CCDC148: variants seen among roughly 807,000 people sequenced by gnomAD.
CCDC148 encodes the protein coiled-coil domain-containing protein 148.
Under a neutral mutation model 85.7 loss-of-function variants are expected in CCDC148, and 89 were observed. That is an observed-to-expected ratio of 1.04 (90% confidence interval 0.87 to 1.24). The LOEUF (loss-of-function observed/expected upper bound fraction) is 1.24. CCDC148 is among the 50% of genes most tolerant of loss of function. The pLI is 0.00. For synonymous variants in CCDC148, 230 were observed against 213.9 expected, an observed-to-expected ratio of 1.08 and a Z score of -0.66; for missense variants, 692 against 671.7, an observed-to-expected ratio of 1.03 and a Z score of -0.33.
chr2:158,419,687 T>C (rs186528178), intron 1 of CCDC148, among the ~76,000 whole-genome samples: 18 of 152,290 alleles, frequency 1.2e-4, no homozygotes, highest in Admixed American at 5.2e-4. Flanking sequence ...GAAAAATACA[T>C]TGACTACTTA....
intron 10 of CCDC148, among the ~76,000 whole-genome samples, chr2:158,225,895 A>T (rs1225569330): frequency 6.6e-6 from 1 of 152,192 alleles, no homozygotes; most frequent in Non-Finnish European, 1.5e-5. Context: ...AATTAAAAGA[A>T]CTAGAGAAGC....
At chr2:158,267,649 C>T (rs891166449) in intron 9 of CCDC148, among the ~76,000 whole-genome samples, 3 of 152,068 alleles carry the variant, frequency 2.0e-5, no homozygotes, top group Admixed American at 2.0e-4. Context: ...TAGAGATTGT[C>T]ATTGATCTCT....
At chr2:158,375,416 C>T (rs1012180311) in intron 1 of CCDC148, among the ~76,000 whole-genome samples, 2 of 152,058 alleles carry the variant, frequency 1.3e-5, no homozygotes, top group African/African-American at 4.8e-5. Flanking sequence ...CATTGTCTTT[C>T]TCTTGATTAC....
At chr2:158,202,225 C>T (rs1324539326) in intron 11 of CCDC148, among the ~76,000 whole-genome samples, 1 of 152,030 alleles carries the variant, frequency 6.6e-6, no homozygotes, top group Admixed American at 6.6e-5. Flanking sequence ...AATCACTTTC[C>T]CACTTTGGGC....
intron 7 of CCDC148, among the ~76,000 whole-genome samples, chr2:158,337,342 T>A (rs1248987236): frequency 1.3e-5 from 2 of 152,162 alleles, no homozygotes; most frequent in African/African-American, 4.8e-5. Flanking sequence ...CTACAGTTTA[T>A]CAGGCTGATT....
At chr2:158,219,723 C>T (rs1243301834) in intron 11 of CCDC148, among the ~76,000 whole-genome samples, 1 of 152,192 alleles carries the variant, frequency 6.6e-6, no homozygotes, top group African/African-American at 2.4e-5. Context: ...CCCTGTTTGC[C>T]TAGTGACTAT....
chr2:158,452,235 G>C (rs1688434026), intron 1 of CCDC148, among the ~76,000 whole-genome samples: 1 of 152,130 alleles, frequency 6.6e-6, no homozygotes, highest in Non-Finnish European at 1.5e-5. Context: ...CTACACAAAG[G>C]AAAGGGGGTA....
chr2:158,338,250 A>G (rs1682488862), intron 7 of CCDC148, among the ~76,000 whole-genome samples: 1 of 152,206 alleles, frequency 6.6e-6, no homozygotes, highest in Non-Finnish European at 1.5e-5. Context: ...GGAGAAAACC[A>G]GAAGTCTATT....
chr2:158,193,485 T>C (rs1273445593), intron 11 of CCDC148, among the ~76,000 whole-genome samples: 1 of 152,074 alleles, frequency 6.6e-6, no homozygotes, highest in Non-Finnish European at 1.5e-5. Context: ...CACAGTATTT[T>C]TTTTTAAGCA....
intron 7 of CCDC148, among the ~76,000 whole-genome samples, chr2:158,332,048 TATG>T (rs1263933243): frequency 2.6e-5 from 4 of 152,152 alleles, no homozygotes; most frequent in African/African-American, 9.6e-5. Context: ...ATCCTGTCAT[TATG>T]ATGTTAGCTG....
intron 1 of CCDC148, among the ~76,000 whole-genome samples, chr2:158,369,298 T>A (rs1429115092): frequency 6.6e-6 from 1 of 152,126 alleles, no homozygotes; most frequent in East Asian, 1.9e-4. Context: ...ATTCCTCCTA[T>A]CCATGAGCAT....
At chr2:158,248,365 C>T (rs6437154) in intron 10 of CCDC148, among the ~76,000 whole-genome samples, 59 of 152,076 alleles carry the variant, frequency 3.9e-4, no homozygotes, top group African/African-American at 1.3e-3. Context: ...CATTTTAATG[C>T]TAGCCAATGT....
At chr2:158,437,930 C>T (rs1687740834) in intron 1 of CCDC148, among the ~76,000 whole-genome samples, 1 of 152,100 alleles carries the variant, frequency 6.6e-6, no homozygotes, top group Non-Finnish European at 1.5e-5. Context: ...ACGTGAAGGA[C>T]CTCTTCAAGG....
intron 1 of CCDC148, among the ~76,000 whole-genome samples, chr2:158,455,153 G>A (rs1404819697): frequency 1.3e-5 from 2 of 152,062 alleles, no homozygotes; most frequent in African/African-American, 4.8e-5. Context: ...ATAACAATTT[G>A]TGGTTTACTT....
chr2:158,443,034 TTTTGTTTG>T lies in CCDC148; in HGVS notation c.25+13373_25+13380del, dbSNP rs139862306. Among the ~76,000 whole-genome samples the T allele has an allele frequency of 2.4e-4, 36 of 151,936 alleles. No individual in the cohort carries two copies. In the East Asian group the frequency reaches 4.6e-3, roughly 20 times the overall value. ...GGCATAGAAGAAGATCAGTCATAGT[TTTTGTTTG>T]TTTGTTTGTTTGTTTGTTTTTTAAT... is the stretch of plus-strand genomic sequence containing the variant. On this transcript the variant is annotated intron_variant, in intron 1 of 13. Coordinates refer to ENST00000283233, the MANE Select transcript of CCDC148 (RefSeq NM_138803.4).
intron 1 of CCDC148, among the ~76,000 whole-genome samples, chr2:158,441,979 C>T (rs1687953179): frequency 6.6e-6 from 1 of 152,066 alleles, no homozygotes; most frequent in Admixed American, 6.6e-5. Flanking sequence ...GATAAATACC[C>T]TCTTATTTAA....
At chr2:158,431,451 CAGAACATCTGTAAAGTGCTATAA>C (rs1266443441) in intron 1 of CCDC148, among the ~76,000 whole-genome samples, 19 of 147,994 alleles carry the variant, frequency 1.3e-4, no homozygotes, top group African/African-American at 4.5e-4. Flanking sequence ...AAAAAAATGA[CAGAACATCTGTAAAGTGCTATAA>C]AAAAGGTGTT....
intron 10 of CCDC148, among the ~76,000 whole-genome samples, chr2:158,224,223 G>C (rs2105305756): frequency 6.6e-6 from 1 of 152,310 alleles, no homozygotes; most frequent in Admixed American, 6.5e-5. Flanking sequence ...AGTGATGCAA[G>C]ATCAAATGAA....
At chr2:158,313,600 A>G (rs550925972) in intron 8 of CCDC148, among the ~76,000 whole-genome samples, 156 bp downstream of exon 8, 1 of 152,368 alleles carries the variant, frequency 6.6e-6, no homozygotes, top group South Asian at 2.1e-4. Context: ...AATGACCTGC[A>G]CAGGCTTTCA....
Sources: gnomAD v4.1 joint callset for allele counts (sites outside exome capture counted in the v4.1 genomes callset) on GRCh38, gnomAD v4.1.1 for gene constraint, MANE v1.5 for transcripts, NCBI Gene and HGNC (gene_info 2026-07-23, HGNC 2026-07-21) for gene names.